Variants in LGSN observed in about 807,000 individuals in gnomAD.
LGSN encodes lengsin, lens protein with glutamine synthetase domain.
LGSN carries 21 observed loss-of-function variants against 19.5 expected under a neutral mutation model. The ratio of observed to expected loss-of-function variants is 1.07; its 90% CI spans 0.76 to 1.55. The LOEUF is 1.55. Among genes scored for constraint, LGSN ranks in the 40% most tolerant of loss-of-function variants. The probability of loss-of-function intolerance (pLI) is 0.00; values close to 1 mark genes in which losing one functional copy is unlikely to be tolerated. For synonymous variants in LGSN, 257 were observed against 215.6 expected (o/e 1.19, Z -1.68); for missense variants, 673 against 608.5 (o/e 1.11, Z -1.12).
the LGSN span, among the ~76,000 whole-genome samples, chr6:63,325,629 C>A: frequency 1.9e-4 from 29 of 152,308 alleles, 1 homozygote; most frequent in South Asian, 5.8e-3. Flanking sequence ...CTGGGTCTCA[C>A]TGACTTCAAA....
the LGSN span, among the ~76,000 whole-genome samples, chr6:63,404,673 G>A: frequency 2.6e-5 from 4 of 152,052 alleles, no homozygotes; most frequent in East Asian, 7.7e-4. Flanking sequence ...CATTCATGAG[G>A]GGATCACCAA....
chr6:63,356,729 G>A, the LGSN span, among the ~76,000 whole-genome samples: 1 of 152,042 alleles, frequency 6.6e-6, no homozygotes, highest in South Asian at 2.1e-4. Context: ...ATCTTCTCCT[G>A]AAAATATAGG....
At chr6:63,439,448 G>C in the LGSN span, among the ~76,000 whole-genome samples, 30 of 152,116 alleles carry the variant, frequency 2.0e-4, no homozygotes, top group African/African-American at 7.2e-4. Context: ...CCGGGAGGTG[G>C]AGGTTGCAGT....
chr6:63,437,289 T>G, the LGSN span, among the ~76,000 whole-genome samples: 1 of 151,614 alleles, frequency 6.6e-6, no homozygotes. Context: ...TTGTCGGAGA[T>G]CTAAACATTT....
the LGSN span, among the ~76,000 whole-genome samples, chr6:63,326,910 C>T: frequency 5.9e-5 from 9 of 152,210 alleles, no homozygotes; most frequent in Admixed American, 3.9e-4. Flanking sequence ...CATAGTGCAG[C>T]GGTGGGCCAA....
rs549106589 is a variant in LGSN, at chr6:63,286,607, T to C, written c.164-854A>G. Among the ~76,000 whole-genome samples the C allele has an allele frequency of 4.6e-5, 7 of 152,310 alleles. No individual in the cohort carries two copies. The South Asian group carries it at 1.4e-3, about 32-fold the overall frequency. On this transcript the variant is annotated intron_variant, in intron 2 of 3. Transcript: ENST00000370657. Reference sequence around the variant, plus strand: ...AACTAGAATGCAGACTTTTGATTCATGCTGGGTGGCTTATTACCACAAATT... The same window carrying C: ...AACTAGAATGCAGACTTTTGATTCACGCTGGGTGGCTTATTACCACAAATT...
chr6:63,405,450 C>A, the LGSN span, among the ~76,000 whole-genome samples: 1 of 152,184 alleles, frequency 6.6e-6, no homozygotes, highest in East Asian at 1.9e-4. Context: ...TATTTCTCCA[C>A]ATCCTCTTCA....
chr6:63,507,293 C>A, the LGSN span, among the ~76,000 whole-genome samples: 106 of 152,258 alleles, frequency 7.0e-4, no homozygotes, highest in African/African-American at 2.4e-3. Flanking sequence ...CAGAAGGGGG[C>A]ACTTACTCCC....
At chr6:63,357,897 A>G in the LGSN span, among the ~76,000 whole-genome samples, 4 of 152,022 alleles carry the variant, frequency 2.6e-5, no homozygotes, top group Non-Finnish European at 5.9e-5. Context: ...TTAGACATGA[A>G]GTCCTTGCCC....
chr6:63,420,318 A>C, the LGSN span, among the ~76,000 whole-genome samples: 2 of 152,190 alleles, frequency 1.3e-5, no homozygotes, highest in African/African-American at 4.8e-5. Context: ...CAGTGAGACA[A>C]CACCATCTCT....
At chr6:63,455,229 GA>G in the LGSN span, among the ~76,000 whole-genome samples, 1 of 152,322 alleles carries the variant, frequency 6.6e-6, no homozygotes, top group Non-Finnish European at 1.5e-5. Context: ...ATCCAGTTCA[GA>G]AAGACAGGAA....
the LGSN span, among the ~76,000 whole-genome samples, chr6:63,478,109 A>G: frequency 6.6e-6 from 1 of 152,192 alleles, no homozygotes; most frequent in Non-Finnish European, 1.5e-5. Flanking sequence ...AAAGTTTTAT[A>G]TATCTTATAC....
At chr6:63,565,133 C>G in the LGSN span, among the ~76,000 whole-genome samples, 1 of 152,152 alleles carries the variant, frequency 6.6e-6, no homozygotes, top group African/African-American at 2.4e-5. Context: ...CCACCTCAAC[C>G]TCCGAGGGAG....
chr6:63,356,680 C>T, the LGSN span, among the ~76,000 whole-genome samples: 1 of 152,098 alleles, frequency 6.6e-6, no homozygotes, highest in Admixed American at 6.5e-5. Flanking sequence ...TGAACAGACA[C>T]TGAGGAATTG....
In LGSN at chr6:63,293,379, C is replaced by T. The variant is rs143937180; in HGVS notation, c.163+1534G>A. 3.5e-3 allele frequency among the ~76,000 whole-genome samples: 535 copies of T among 152,308 alleles called. 3 individuals are homozygous for T. Among genetic ancestry groups the T allele is most frequent in the Non-Finnish European group, 5.3e-3 (361 of 68,040 alleles). On this transcript the variant is annotated intron_variant, in intron 2 of 3. Transcript: ENST00000370657. ...ATACACTCATGTACCAAAATAGTTA[C>T]ATCACTATTAATAAGCCAGAAACTT... is the stretch of plus-strand genomic sequence containing the variant.
At chr6:63,281,626 CT>C (rs1767326444) in intron 3 of LGSN, among the ~76,000 whole-genome samples, 2 of 152,092 alleles carry the variant, frequency 1.3e-5, no homozygotes, top group Admixed American at 6.5e-5. Context: ...TCAGATAAGG[CT>C]TTCTTTTTGC....
the LGSN span, among the ~76,000 whole-genome samples, chr6:63,393,900 G>A: frequency 1.3e-4 from 20 of 152,130 alleles, no homozygotes; most frequent in African/African-American, 2.9e-4. Context: ...GCATTCCCAC[G>A]AGGTTAGGTA....
chr6:63,503,721 C>T, the LGSN span, among the ~76,000 whole-genome samples: 1 of 152,104 alleles, frequency 6.6e-6, no homozygotes, highest in Non-Finnish European at 1.5e-5. Context: ...TTGAGACCAG[C>T]CTGGGCAACA....
the LGSN span, among the ~76,000 whole-genome samples, chr6:63,480,986 T>C: frequency 0.24 from 10,486 of 43,068 alleles, 1,232 homozygotes; most frequent in African/African-American, 0.36. Context: ...TATATATATA[T>C]ACACACACAC....
Sources: allele counts gnomAD v4.1 joint callset (sites outside exome capture counted in the v4.1 genomes callset), GRCh38; gene constraint gnomAD v4.1.1; transcripts MANE v1.5; gene names NCBI Gene and HGNC (gene_info 2026-07-23, HGNC 2026-07-21).